The following MTHFD1 variants were observed in gnomAD, a reference collection of about 807,000 sequenced individuals.
The protein encoded by MTHFD1 is methylenetetrahydrofolate dehydrogenase, cyclohydrolase and formyltetrahydrofolate synthetase 1.
MTHFD1 carries 44 observed loss-of-function variants against 110.3 expected under a neutral mutation model. The observed-to-expected ratio is 0.40, with a 90% CI of 0.31 to 0.51. The LOEUF is 0.51. Ranked by LOEUF, MTHFD1 falls within the 20% of genes least tolerant of loss-of-function variation. The pLI, the probability that MTHFD1 is intolerant of heterozygous loss-of-function variation, is 0.60. For missense variants in MTHFD1, 909 were observed against 1,173.1 expected (o/e 0.77, Z 3.29); for synonymous variants, 402 against 428.8 (o/e 0.94, Z 0.77).
chr14:64,398,036 G>C (rs1419676552), intron 1 of MTHFD1, among the ~76,000 whole-genome samples: 1 of 152,060 alleles, frequency 6.6e-6, no homozygotes, highest in African/African-American at 2.4e-5. Flanking sequence ...GCTATGCCCA[G>C]CACCACATCT....
intron 17 of MTHFD1, among the ~76,000 whole-genome samples, 157 bp from the exon 18 acceptor site, chr14:64,439,969 G>A (rs1218965174): frequency 6.7e-6 from 1 of 150,092 alleles, no homozygotes; most frequent in African/African-American, 2.4e-5. Flanking sequence ...TTTGCTATTA[G>A]AGGATTATTT....
At chr14:64,402,310 A>G (rs2077903863) in intron 2 of MTHFD1, among the ~76,000 whole-genome samples, 1 of 152,378 alleles carries the variant, frequency 6.6e-6, no homozygotes, top group African/African-American at 2.4e-5. Context: ...GCAATATGAA[A>G]GAATTGGAAT....
At chr14:64,388,743 C>G in intron 1 of MTHFD1, 2 of 577,680 alleles carry the variant, frequency 3.5e-6, no homozygotes, top group Admixed American at 3.0e-5. Flanking sequence ...GACTTTCTGC[C>G]GGGAGAGTGG....
chr14:64,405,915 G>A (rs1596534571), intron 2 of MTHFD1, among the ~76,000 whole-genome samples: 4 of 151,828 alleles, frequency 2.6e-5, no homozygotes, highest in African/African-American at 9.7e-5. Context: ...TATATACATA[G>A]GGATGAGATC....
rs1418927642 is a variant in MTHFD1, at chr14:64,426,103, A to C, written c.1038A>C (p.Glu346Asp). The change falls in exon 11 of 28, where the codon GAA becomes GAC. Residue 346 changes from glutamate (E) to aspartate (D), a missense_variant. By Grantham distance (45) the Glu-to-Asp change is conservative (BLOSUM62 2). Transcript: ENST00000652337. ...REIGLLSEEV[E>D]LYGETKAKVL... The stretch of plus-strand genomic sequence containing the variant: ...TTGGTCTGCTGTCTGAAGAGGTAGA[A>C]TTATATGGTGAAACAAAGGCCAAAG... 2 of 1,614,134 alleles carry C rather than the reference A, an allele frequency of 1.2e-6. No individual in the cohort carries two copies. Among genetic ancestry groups the C allele is most frequent in the Admixed American group, 3.3e-5 (2 of 60,020 alleles).
intron 18 of MTHFD1, chr14:64,440,892 A>G (rs1329788006): frequency 1.2e-5 from 3 of 256,310 alleles, no homozygotes; most frequent in Non-Finnish European, 2.3e-5. Flanking sequence ...TGTCATTTGT[A>G]TTCTATCTGG....
At position 64,418,027 on chromosome 14, in the gene MTHFD1, A is replaced by G; in HGVS notation, c.615+3A>G. ...AGACTGCCCATCTGGATGAGGAGGT[A>G]GGGTGTCCAGAGGAGAGGTAAAGGT... On this transcript the variant is annotated splice_donor_region_variant and intron_variant, in intron 7 of 27. Transcript: ENST00000652337. 1 of 1,614,144 alleles carries G rather than the reference A, an allele frequency of 6.2e-7. No homozygotes were observed. The highest frequency in any genetic ancestry group is 8.5e-7 in the Non-Finnish European group (1 of 1,180,012).
intron 2 of MTHFD1, among the ~76,000 whole-genome samples, chr14:64,403,892 G>A (rs964362843): frequency 6.6e-6 from 1 of 152,132 alleles, no homozygotes; most frequent in Non-Finnish European, 1.5e-5. Context: ...CTTCATCAAG[G>A]GTGGTCCTAG....
intron 1 of MTHFD1, among the ~76,000 whole-genome samples, chr14:64,400,334 G>A (rs1011350166): frequency 6.6e-6 from 1 of 151,420 alleles, no homozygotes; most frequent in African/African-American, 2.4e-5. Flanking sequence ...GTTGTGGTAA[G>A]CTGAGATCGC....
rs2078159309 is a variant in MTHFD1 at position 64,431,429 on chromosome 14, G to T, written c.1312-103G>T. The stretch of plus-strand genomic sequence containing the variant: ...TTGTCCACTAACTGGGCTGCCTTCA[G>T]TATTCCATTGGCTTTAAAATAGGGA... On this transcript the variant is annotated intron_variant, in intron 13 of 27. Coordinates refer to ENST00000652337, the MANE Select transcript of MTHFD1 (RefSeq NM_005956.4). The T allele has an allele frequency of 6.7e-5, 64 of 955,424 alleles. No homozygotes were observed. In the South Asian group the frequency reaches 8.6e-4, roughly 13 times the overall value. 59.2% of individuals were successfully genotyped at this position (955,424 alleles called of 1,614,324 possible).
chr14:64,413,685 T>G (rs1042995996), intron 4 of MTHFD1, among the ~76,000 whole-genome samples: 2 of 152,332 alleles, frequency 1.3e-5, no homozygotes, highest in East Asian at 1.9e-4. Flanking sequence ...TAGCTGCTAT[T>G]GTATTGTAAG....
chr14:64,397,590 G>T (rs1213379080), intron 1 of MTHFD1, among the ~76,000 whole-genome samples: 1 of 152,130 alleles, frequency 6.6e-6, no homozygotes, highest in African/African-American at 2.4e-5. Flanking sequence ...ATCATGCCCG[G>T]CCCGAAGCCC....
intron 22 of MTHFD1, among the ~76,000 whole-genome samples, chr14:64,446,921 C>G (rs1259696031): frequency 6.6e-6 from 1 of 152,034 alleles, no homozygotes; most frequent in Admixed American, 6.6e-5. Context: ...ATAGCTGCAG[C>G]CTCTAACTCT....
chr14:64,415,221 G>T, intron 4 of MTHFD1, 137 bp from the exon 5 acceptor site: 1 of 719,934 alleles, frequency 1.4e-6, no homozygotes. Flanking sequence ...AGGATTCAAG[G>T]GGAAGGTACA....
intron 1 of MTHFD1, among the ~76,000 whole-genome samples, chr14:64,396,538 T>G (rs1428394757): frequency 6.6e-6 from 1 of 150,820 alleles, no homozygotes; most frequent in African/African-American, 2.4e-5. Flanking sequence ...ATTACAGGCA[T>G]GCGCCACCGC....
At chr14:64,426,994 A>G (rs2078123920) in intron 11 of MTHFD1, among the ~76,000 whole-genome samples, 1 of 152,202 alleles carries the variant, frequency 6.6e-6, no homozygotes, top group Non-Finnish European at 1.5e-5. Flanking sequence ...GGAAATTACA[A>G]CTAAGACTTT....
intron 2 of MTHFD1, among the ~76,000 whole-genome samples, chr14:64,402,158 T>G (rs79885508): frequency 6.6e-6 from 1 of 152,234 alleles, no homozygotes; most frequent in African/African-American, 2.4e-5. Context: ...CTTCTCAGAC[T>G]TGCACACTTT....
At chr14:64,427,233 A>G in intron 11 of MTHFD1, 104 bp from the exon 12 acceptor site, 3 of 1,355,116 alleles carry the variant, frequency 2.2e-6, no homozygotes, top group Non-Finnish European at 3.1e-6. Context: ...GTCTTTCTTA[A>G]TCTTTAGATT....
intron 2 of MTHFD1, among the ~76,000 whole-genome samples, chr14:64,404,926 G>A (rs936168355): frequency 1.3e-5 from 2 of 151,780 alleles, no homozygotes; most frequent in African/African-American, 2.4e-5. Flanking sequence ...AGCTGAGATT[G>A]TGCCACTGCA....
Sources: gnomAD v4.1 joint callset for allele counts (sites outside exome capture counted in the v4.1 genomes callset) on GRCh38, gnomAD v4.1.1 for gene constraint, MANE v1.5 for transcripts, NCBI Gene and HGNC (gene_info 2026-07-23, HGNC 2026-07-21) for gene names.